The following AKAP4 variants were observed in gnomAD, a reference collection of about 807,000 sequenced individuals.
AKAP4 encodes the protein A-kinase anchor protein 4.
A neutral mutation model predicts 42.6 loss-of-function variants in AKAP4; 4 were observed. The observed-to-expected ratio is 0.09, with a 90% CI of 0.05 to 0.22. The LOEUF is 0.22. AKAP4 is among the 10% of genes least tolerant of loss of function. AKAP4 has a pLI of 1.00. For synonymous variants in AKAP4, 223 were observed against 233.0 expected (o/e 0.96, Z 0.39); for missense variants, 551 against 630.7 (o/e 0.87, Z 1.35).
chrX:50,197,655 T>C, intron 2 of AKAP4, 61 bp from the exon 3 acceptor site: 2 of 1,014,129 alleles, frequency 2.0e-6, no homozygotes, highest in Non-Finnish European at 2.8e-6. Context: ...TAATTTCTCT[T>C]TCTTGGAGAT....
Position 50,192,559 on chromosome X carries a change from C to T in AKAP4, c.2154G>A (p.Gly718=), listed in dbSNP as rs1178384001. The T allele has an allele frequency of 1.3e-5, 16 of 1,209,773 alleles. No homozygotes were observed. Among genetic ancestry groups the T allele is most frequent in the Non-Finnish European group, 1.8e-5 (16 of 895,299 alleles). Residue 718 remains glycine, a synonymous_variant, in exon 5 of 6, where the codon GGG becomes GGA. Transcript: ENST00000358526. The part of the protein sequence containing the change: ...CLIMAKYSND[G]AALAELEEQA... ...GTTCTTCCAACTCAGCAAGGGCTGC[C>T]CCATCGTTGCTATACTTAGCCATGA...
In AKAP4 at chrX:50,193,712, ATGAGCCCCTTGCT is replaced by A. The variant is rs782472622; in HGVS notation, c.988_1000del (p.Ser330TrpfsTer11). The A allele has an allele frequency of 6.6e-6, 8 of 1,211,315 alleles. No homozygotes were observed. The South Asian group carries it at 1.4e-4, about 21-fold the overall frequency. ...AGATGCCACCTGATTTGCATAAACC[ATGAGCCCCTTGCT>A]GATGGAATCTGCAAATTCTTTGCTC... On this transcript the variant is annotated frameshift_variant, in exon 5 of 6. Transcript: ENST00000358526. LOFTEE classifies it high-confidence loss of function.
At position 50,200,881 on chromosome X, in the gene AKAP4, C is replaced by T. The variant is rs781999478; in HGVS notation, c.9G>A (p.Ala3=). Residue 3 remains alanine, a synonymous_variant, in exon 1 of 6, where the codon GCG becomes GCA. Transcript: ENST00000358526. ...TCCCTACCATTGTAGTATCAGAGTA[C>T]GCCATCATGTAGGACCCTGGAATGA... MM[A]YSDTTMMSDD... 15 of 1,206,554 alleles carry T rather than the reference C, an allele frequency of 1.2e-5. No individual in the cohort carries two copies. The Middle Eastern group carries it at 1.1e-3, about 92-fold the overall frequency.
chrX:50,190,975 C>A lies in AKAP4; in HGVS notation c.2550G>T (p.Leu850=). ...AAGGATCAGCTCACAGGTTAGCGAG[C>A]AGCCAGTCCAGCAACTGTTTCCTGG... is the stretch of plus-strand genomic sequence containing the variant. ...KVARKQLLDW[L]LANL The change falls in exon 6 of 6, where the codon CTG becomes CTT. Residue 850 remains leucine (L), a synonymous_variant. Transcript: ENST00000358526. The A allele has an allele frequency of 8.3e-7, 1 of 1,210,260 alleles. No individual in the cohort carries two copies. Among genetic ancestry groups the A allele is most frequent in the Non-Finnish European group, 1.1e-6 (1 of 895,103 alleles).
At chrX:50,191,421 C>T (rs1821997825) in intron 5 of AKAP4, among the ~76,000 whole-genome samples, 1 of 111,261 alleles carries the variant, frequency 9.0e-6, no homozygotes, top group Non-Finnish European at 1.9e-5. Flanking sequence ...TACTTTTCAC[C>T]AGATGCTGGA....
At position 50,193,583 on chromosome X, in the gene AKAP4, T is replaced by G; in HGVS notation, c.1130A>C (p.Glu377Ala). Reference protein sequence around the residue: ...LKRVLLRHTKEIVSDLIDSCM... With the variant: ...LKRVLLRHTKAIVSDLIDSCM... ...AGAATCAATCAAATCGGACACAATC[T>G]CCTTGGTGTGCCTTAGCAACACCCT... Residue 377 changes from glutamate to alanine, a missense_variant, in exon 5 of 6, where the codon GAG (glutamate) becomes GCG (alanine). By Grantham distance (107) the Glu-to-Ala change is moderately radical. Coordinates refer to ENST00000358526, the MANE Select transcript of AKAP4 (RefSeq NM_003886.3). The G allele has an allele frequency of 4.1e-6, 5 of 1,211,694 alleles. No homozygotes were observed. The highest frequency in any genetic ancestry group is 5.6e-6 in the Non-Finnish European group (5 of 895,480).
intron 5 of AKAP4, among the ~76,000 whole-genome samples, chrX:50,191,667 AG>A (rs1569541712): frequency 1.5e-3 from 76 of 51,725 alleles, no homozygotes; most frequent in African/African-American, 3.9e-3. Flanking sequence ...TGTGAGAGAG[AG>A]AAAGAGAGAG....
rs782220513 is a variant in AKAP4, at chrX:50,193,819, C to G, written c.894G>C (p.Gln298His). 1 of 1,209,838 alleles carries G rather than the reference C, an allele frequency of 8.3e-7. No individual in the cohort carries two copies. The highest frequency in any genetic ancestry group is 2.2e-5 in the Admixed American group (1 of 45,736). Reference protein sequence around the residue: ...GTGEESREGGQKSFLYSELSN... With the variant: ...GTGEESREGGHKSFLYSELSN... ...ATAATTCGCTATATAGAAAGCTTTT[C>G]TGGCCACCTTCCCTGGACTCCTCTC... The change falls in exon 5 of 6, where the codon CAG becomes CAC. Residue 298 changes from glutamine to histidine, a missense_variant. Transcript: ENST00000358526.
intron 1 of AKAP4, chrX:50,200,267 C>A: frequency 4.0e-6 from 3 of 753,945 alleles, no homozygotes; most frequent in Non-Finnish European, 4.7e-6. Context: ...TGGCTGAAAA[C>A]GTGACACCCA....
chrX:50,200,822 A>G, intron 1 of AKAP4, 41 bp downstream of exon 1: 2 of 1,174,064 alleles, frequency 1.7e-6, no homozygotes, highest in East Asian at 3.0e-5. Context: ...CACCATTAAG[A>G]TGCCCCCTTA....
In AKAP4 at chrX:50,191,014, A is replaced by G. The variant is rs1557203523; in HGVS notation, c.2511T>C (p.Ala837=). The G allele has an allele frequency of 8.3e-7, 1 of 1,211,397 alleles. No individual in the cohort carries two copies. Among genetic ancestry groups the G allele is most frequent in the South Asian group, 1.8e-5 (1 of 56,937 alleles). ...ACTGTTTCCTGGCCACCTTTCCCAC[A>G]GCTTCATCTGGTTGCCGTTCCTTGG... is the stretch of plus-strand genomic sequence containing the variant. ...KFAKERQPDE[A]VGKVARKQLL... is the part of the protein sequence containing the mutation. Residue 837 remains alanine (A), a synonymous_variant, in exon 6 of 6, where the codon GCT becomes GCC. Transcript: ENST00000358526.
At chrX:50,200,276 C>T (rs1935247360) in intron 1 of AKAP4, 7 of 752,188 alleles carry the variant, frequency 9.3e-6, no homozygotes, top group Non-Finnish European at 1.1e-5. Flanking sequence ...ACGTGACACC[C>T]AGAAGGGAGA....
In AKAP4 at chrX:50,193,173, T is replaced by C; in HGVS notation, c.1540A>G (p.Asn514Asp). The change falls in exon 5 of 6, where the codon AAC (asparagine) becomes GAC (aspartate). Residue 514 changes from asparagine to aspartate, a missense_variant. By Grantham distance (23) the Asn-to-Asp change is conservative (BLOSUM62 1). Coordinates refer to ENST00000358526, the MANE Select transcript of AKAP4 (RefSeq NM_003886.3). Reference sequence around the variant, plus strand: ...GCTTTGGTAGCCACCTTGCATGAGTTTCCTTGCTTTTGGTTCCAGATGGTT... The same window carrying C: ...GCTTTGGTAGCCACCTTGCATGAGTCTCCTTGCTTTTGGTTCCAGATGGTT... ...GLTIWNQKQGNSCKVATKACS... is the reference protein window; with the variant it reads ...GLTIWNQKQGDSCKVATKACS... 8.3e-7 allele frequency: 1 copy of C among 1,211,918 alleles called. No homozygotes were observed. Among genetic ancestry groups the C allele is most frequent in the African/African-American group, 1.7e-5 (1 of 57,829 alleles).
chrX:50,191,647 T>A (rs1243201751), intron 5 of AKAP4, among the ~76,000 whole-genome samples: 71 of 58,959 alleles, frequency 1.2e-3, no homozygotes, highest in African/African-American at 6.0e-3. Flanking sequence ...TGTGTGTGTG[T>A]GTGTGTGTGT....
intron 3 of AKAP4, 48 bp downstream of exon 3, chrX:50,197,496 T>C (rs377306278): frequency 1.7e-4 from 194 of 1,114,407 alleles, no homozygotes; most frequent in Non-Finnish European, 2.3e-4. Flanking sequence ...CTGATAACCC[T>C]TCTCAGCAGC....
Position 50,191,032 on chromosome X carries a change from T to C in AKAP4, c.2493A>G (p.Glu831=), listed in dbSNP as rs1557203527. The C allele has an allele frequency of 8.3e-7, 1 of 1,211,120 alleles. No homozygotes were observed. Among genetic ancestry groups the C allele is most frequent in the South Asian group, 1.8e-5 (1 of 56,909 alleles). The change falls in exon 6 of 6, where the codon GAA becomes GAG. Residue 831 remains glutamate, a synonymous_variant. Coordinates refer to ENST00000358526, the MANE Select transcript of AKAP4 (RefSeq NM_003886.3). ...TTCCCACAGCTTCATCTGGTTGCCGTTCCTTGGCAAACTTCATGACCTCTT... is the reference window on the plus strand; with the variant it reads ...TTCCCACAGCTTCATCTGGTTGCCGCTCCTTGGCAAACTTCATGACCTCTT... ...LLQEVMKFAK[E]RQPDEAVGKV...
At chrX:50,194,645 T>C (rs1935167442) in intron 4 of AKAP4, among the ~76,000 whole-genome samples, 1 of 109,009 alleles carries the variant, frequency 9.2e-6, no homozygotes, top group Non-Finnish European at 1.9e-5. Flanking sequence ...TATAGAAGGG[T>C]TATCAATATA....
Position 50,190,936 on chromosome X carries a change from G to A in AKAP4, c.*24C>T. 1 of 1,208,891 alleles carries A rather than the reference G, an allele frequency of 8.3e-7. No individual in the cohort carries two copies. The highest frequency in any genetic ancestry group is 1.1e-6 in the Non-Finnish European group (1 of 894,247). On this transcript the variant is annotated 3_prime_UTR_variant, in exon 6 of 6. Coordinates refer to ENST00000358526, the MANE Select transcript of AKAP4 (RefSeq NM_003886.3). ...GATGGAATGCTGCTAGGGGGGCTAA[G>A]ATGAAGAGGAGTCAAGGATCAGCTC...
chrX:50,200,724 G>T, intron 1 of AKAP4, 139 bp downstream of exon 1: 2 of 564,865 alleles, frequency 3.5e-6, no homozygotes, highest in Non-Finnish European at 5.8e-6. Flanking sequence ...ACAGAGAAAT[G>T]TTGATCAAAA....
Sources: allele counts gnomAD v4.1 joint callset (sites outside exome capture counted in the v4.1 genomes callset), GRCh38; gene constraint gnomAD v4.1.1; transcripts MANE v1.5; gene names NCBI Gene and HGNC (gene_info 2026-07-23, HGNC 2026-07-21).